Variants in IGSF5 observed in about 807,000 individuals in gnomAD.
IGSF5 encodes the protein immunoglobulin superfamily member 5.
Under a neutral mutation model 39.4 loss-of-function variants are expected in IGSF5, and 41 were observed. The observed-to-expected ratio is 1.04, with a 90% CI of 0.81 to 1.35. IGSF5 has a LOEUF of 1.35. IGSF5 is among the 40% of genes most tolerant of loss of function. The pLI, the probability that IGSF5 is intolerant of heterozygous loss-of-function variation, is 0.00. For missense variants in IGSF5, 487 were observed against 494.6 expected (o/e 0.98, Z 0.15); for synonymous variants, 183 against 175.3 (o/e 1.04, Z -0.34).
rs557038798 is a variant in IGSF5, at chr21:39,776,500, C to T, written c.719-2590C>T. ...TTTGGGTCTTTTAACTGAATGCAGG[C>T]ATCACTTTCTGAACTTTGTGGTTAA... On this transcript the variant is annotated intron_variant, in intron 4 of 8. Transcript: ENST00000380588. 5.3e-5 allele frequency among the ~76,000 whole-genome samples: 8 copies of T among 152,306 alleles called. No homozygotes were observed. In the South Asian group the frequency reaches 1.2e-3, roughly 24 times the overall value.
chr21:39,727,174 G>C, the IGSF5 span, among the ~76,000 whole-genome samples: 3 of 152,184 alleles, frequency 2.0e-5, no homozygotes, highest in South Asian at 2.1e-4. Context: ...GTAGAATTTT[G>C]CTTCCTATCC....
At chr21:39,793,862 G>T (rs1296603175) in intron 8 of IGSF5, among the ~76,000 whole-genome samples, 1 of 152,122 alleles carries the variant, frequency 6.6e-6, no homozygotes, top group Non-Finnish European at 1.5e-5. Context: ...CACATTTTGG[G>T]AGGATGCGAC....
intron 6 of IGSF5, 143 bp from the exon 7 acceptor site, chr21:39,791,865 G>T: frequency 1.6e-6 from 1 of 616,198 alleles, no homozygotes; most frequent in Non-Finnish European, 2.9e-6. Flanking sequence ...CAGCGGCAAA[G>T]CTATGGACTT....
intron 3 of IGSF5, among the ~76,000 whole-genome samples, chr21:39,769,747 G>A (rs997072657): frequency 4.0e-5 from 6 of 151,810 alleles, no homozygotes; most frequent in Admixed American, 6.6e-5. Flanking sequence ...AATGTGATTC[G>A]TTTCCATGAA....
At chr21:39,730,498 T>C in the IGSF5 span, 1 of 152,162 alleles carries the variant, frequency 6.6e-6, no homozygotes, top group Non-Finnish European at 1.5e-5. Context: ...TATTCATAGC[T>C]GATGTCAAAG....
the IGSF5 span, among the ~76,000 whole-genome samples, chr21:39,712,233 C>G: frequency 6.6e-6 from 1 of 152,146 alleles, no homozygotes; most frequent in African/African-American, 2.4e-5. Context: ...CTTCTTTGAG[C>G]TATCAGGACA....
intron 3 of IGSF5, among the ~76,000 whole-genome samples, chr21:39,767,033 T>TG (rs1370247118): frequency 1.3e-5 from 2 of 152,232 alleles, no homozygotes; most frequent in African/African-American, 4.8e-5. Flanking sequence ...TTTTTAATTT[T>TG]GTGTAGTTTA....
chr21:39,714,829 A>G, the IGSF5 span, among the ~76,000 whole-genome samples: 1 of 152,240 alleles, frequency 6.6e-6, no homozygotes. Context: ...ATAAGTTCAC[A>G]TTCTGAGGTA....
chr21:39,739,436 C>T, the IGSF5 span, among the ~76,000 whole-genome samples: 2 of 152,058 alleles, frequency 1.3e-5, no homozygotes, highest in African/African-American at 2.4e-5. Context: ...TCTTTATCTC[C>T]GTTTTTGCCT....
chr21:39,773,478 C>CTTTTTTTTTCTT (rs2080124873), intron 4 of IGSF5, among the ~76,000 whole-genome samples: 1 of 143,956 alleles, frequency 6.9e-6, no homozygotes. Context: ...TCTTCCTTTT[C>CTTTTTTTTTCTT]TTTTTTTTTC....
In IGSF5 at chr21:39,793,737, C is replaced by T. The variant is rs1229537220; in HGVS notation, c.1128+124C>T. ...ATGATGGTGGCATGTTGCCTTTCCT[C>T]CCCTCCATATCAGCTGGTCAGCATG... On this transcript the variant is annotated intron_variant, in intron 8 of 8. Transcript: ENST00000380588. The T allele has an allele frequency of 6.5e-6, 5 of 765,914 alleles. No individual in the cohort carries two copies. In the East Asian group the frequency reaches 7.6e-5, roughly 12 times the overall value. The allele number at this position is 765,914 out of a possible 1,614,324, so 47.4% of individuals were successfully genotyped here.
chr21:39,756,018 G>A (rs1193581708), intron 2 of IGSF5, among the ~76,000 whole-genome samples: 2 of 152,032 alleles, frequency 1.3e-5, no homozygotes, highest in African/African-American at 2.4e-5. Flanking sequence ...TTGAACCTGG[G>A]AGGCGGAGGT....
chr21:39,742,698 T>C (rs2079953534), upstream of IGSF5, among the ~76,000 whole-genome samples: 1 of 152,226 alleles, frequency 6.6e-6, no homozygotes, highest in South Asian at 2.1e-4. Context: ...GTAAGCCCTA[T>C]TAGGCATTCG....
intron 6 of IGSF5, among the ~76,000 whole-genome samples, chr21:39,788,454 T>C (rs1052940967): frequency 6.6e-6 from 1 of 152,242 alleles, no homozygotes; most frequent in African/African-American, 2.4e-5. Flanking sequence ...ATTTTCTTAG[T>C]GTCTGGCATT....
chr21:39,755,444 G>A lies in IGSF5; in HGVS notation c.100+9146G>A, dbSNP rs568457106. ...TACTGAAAATACAAAAAAATTAGCC[G>A]AGCATGGTGGCAGGTGCCTGTAGTC... On this transcript the variant is annotated intron_variant, in intron 2 of 8. Transcript: ENST00000380588. Among the ~76,000 whole-genome samples, 12 of 152,112 alleles carry A rather than the reference G, an allele frequency of 7.9e-5. No individual in the cohort carries two copies. In the South Asian group the frequency reaches 1.9e-3, roughly 24 times the overall value.
At chr21:39,775,986 G>A (rs1049298840) in intron 4 of IGSF5, among the ~76,000 whole-genome samples, 2 of 152,156 alleles carry the variant, frequency 1.3e-5, no homozygotes, top group African/African-American at 4.8e-5. Flanking sequence ...CATTTACTTA[G>A]TCACTCTGTC....
the IGSF5 span, among the ~76,000 whole-genome samples, chr21:39,728,473 G>C: frequency 6.6e-6 from 1 of 152,196 alleles, no homozygotes; most frequent in Non-Finnish European, 1.5e-5. Flanking sequence ...TTCAGAGGGA[G>C]CCTGGCCTTC....
At chr21:39,713,430 A>G in the IGSF5 span, among the ~76,000 whole-genome samples, 1 of 152,162 alleles carries the variant, frequency 6.6e-6, no homozygotes, top group African/African-American at 2.4e-5. Flanking sequence ...CAAATAGTGC[A>G]TATTTTTCTG....
chr21:39,775,924 G>A (rs1056734963), intron 4 of IGSF5, among the ~76,000 whole-genome samples: 4 of 152,168 alleles, frequency 2.6e-5, no homozygotes, highest in African/African-American at 9.7e-5. Flanking sequence ...ATGGCAGGAT[G>A]GAAAGATATG....
Sources: allele counts gnomAD v4.1 joint callset (sites outside exome capture counted in the v4.1 genomes callset), GRCh38; gene constraint gnomAD v4.1.1; transcripts MANE v1.5; gene names NCBI Gene and HGNC (gene_info 2026-07-23, HGNC 2026-07-21).